The following LSM12 variants were observed in gnomAD, a reference collection of about 807,000 sequenced individuals.
LSM12 encodes the protein protein LSM12.
For missense variants in LSM12, 108 were observed against 238.9 expected, an observed-to-expected ratio of 0.45 and a Z score of 3.61; for synonymous variants, 74 against 87.3, an observed-to-expected ratio of 0.85 and a Z score of 0.85.
At chr17:44,051,996 T>C (rs560542557) in intron 2 of LSM12, among the ~76,000 whole-genome samples, 9 of 152,090 alleles carry the variant, frequency 5.9e-5, no homozygotes, top group African/African-American at 2.2e-4. Context: ...TAATCCCAGC[T>C]ACCTGGGAGG....
At chr17:44,049,235 G>A (rs1039634057) in intron 2 of LSM12, among the ~76,000 whole-genome samples, 1 of 152,062 alleles carries the variant, frequency 6.6e-6, no homozygotes, top group South Asian at 2.1e-4. Flanking sequence ...AAAAAAAACC[G>A]GCTTCTAATC....
intron 2 of LSM12, among the ~76,000 whole-genome samples, chr17:44,042,742 G>GT (rs936332901): frequency 6.6e-6 from 1 of 151,840 alleles, no homozygotes; most frequent in South Asian, 2.1e-4. Context: ...TTTTTTTGTA[G>GT]TTTTTTAGTA....
chr17:44,059,432 T>C (rs1259746229), intron 2 of LSM12, among the ~76,000 whole-genome samples: 1 of 151,778 alleles, frequency 6.6e-6, no homozygotes, highest in East Asian at 1.9e-4. Flanking sequence ...CTACTAAAAA[T>C]AGAAAAATTA....
intron 2 of LSM12, among the ~76,000 whole-genome samples, chr17:44,056,947 T>C (rs1019210251): frequency 3.3e-5 from 5 of 151,718 alleles, no homozygotes; most frequent in African/African-American, 1.2e-4. Context: ...GCTGTAATCG[T>C]GCCATTGCAC....
intron 2 of LSM12, among the ~76,000 whole-genome samples, chr17:44,057,027 G>A (rs909534284): frequency 2.6e-5 from 4 of 151,082 alleles, no homozygotes; most frequent in Non-Finnish European, 3.0e-5. Context: ...GTGGTGGGGC[G>A]CACCTGTACT....
chr17:44,041,352 G>A (rs540236438), intron 2 of LSM12, among the ~76,000 whole-genome samples: 4 of 83,064 alleles, frequency 4.8e-5, no homozygotes, highest in Non-Finnish European at 1.2e-4. Flanking sequence ...CACACACACA[G>A]AATTTCCATT....
At chr17:44,057,728 T>C (rs4793074) in intron 2 of LSM12, among the ~76,000 whole-genome samples, 140,001 of 151,002 alleles carry the variant, frequency 0.93, 65,016 homozygotes, top group East Asian at 1. Flanking sequence ...TACTGCATTA[T>C]AGCCTGGGAG....
At chr17:44,045,158 G>C (rs974665011) in intron 2 of LSM12, among the ~76,000 whole-genome samples, 4 of 152,094 alleles carry the variant, frequency 2.6e-5, no homozygotes, top group Non-Finnish European at 4.4e-5. Flanking sequence ...CTCCCAAGTA[G>C]CTGGGATTAC....
At chr17:44,064,534 A>C (rs1597900049) in intron 1 of LSM12, among the ~76,000 whole-genome samples, 1 of 151,672 alleles carries the variant, frequency 6.6e-6, no homozygotes, top group East Asian at 1.9e-4. Flanking sequence ...GGAGTTCAAG[A>C]CCAGCCTGGC....
chr17:44,051,973 T>C (rs746934399), intron 2 of LSM12, among the ~76,000 whole-genome samples: 11 of 151,952 alleles, frequency 7.2e-5, no homozygotes, highest in Non-Finnish European at 1.5e-4. Flanking sequence ...CTGGGTGTGG[T>C]AGCATGTGCC....
chr17:44,047,312 T>C (rs775095574), intron 2 of LSM12, among the ~76,000 whole-genome samples: 39 of 152,228 alleles, frequency 2.6e-4, no homozygotes, highest in African/African-American at 8.7e-4. Context: ...AGTGGCACCA[T>C]CTCAGCTCAC....
At chr17:44,062,991 C>A (rs967987336) in intron 2 of LSM12, among the ~76,000 whole-genome samples, 1 of 151,988 alleles carries the variant, frequency 6.6e-6, no homozygotes, top group Admixed American at 6.6e-5. Context: ...AATCACTTAA[C>A]CTGGGAGGCG....
chr17:44,054,695 C>T (rs1226921679), intron 2 of LSM12, among the ~76,000 whole-genome samples: 2 of 152,154 alleles, frequency 1.3e-5, no homozygotes, highest in Admixed American at 6.6e-5. Context: ...TGCCACTCAG[C>T]AGTGATGGGA....
rs936324181 is a variant in LSM12 at position 44,064,549 on chromosome 17, G to C, written c.125-615C>G. ...GGAGTTCAAGACCAGCCTGGCCAAA[G>C]TGGCAAAACCCCGTCACTACCAAAA... On this transcript the variant is annotated intron_variant, in intron 1 of 4. Transcript: ENST00000293406. Among the ~76,000 whole-genome samples the C allele has an allele frequency of 2.0e-5, 3 of 151,706 alleles. No homozygotes were observed. In the East Asian group the frequency reaches 5.8e-4, roughly 29 times the overall value.
In LSM12 at chr17:44,040,144, C is replaced by A; in HGVS notation, c.368+3G>T. 6.2e-7 allele frequency: 1 copy of A among 1,611,068 alleles called. No individual in the cohort carries two copies. The highest frequency in any genetic ancestry group is 1.1e-5 in the South Asian group (1 of 90,988). Reference sequence around the variant, plus strand: ...ACAAAGGACCTCTCCGATCCCAACTCACGTCTTGTGAATGGTCTGGAAGAG... The same window carrying A: ...ACAAAGGACCTCTCCGATCCCAACTAACGTCTTGTGAATGGTCTGGAAGAG... On this transcript the variant is annotated splice_donor_region_variant and intron_variant, in intron 3 of 4. Transcript: ENST00000293406.
intron 2 of LSM12, among the ~76,000 whole-genome samples, chr17:44,040,684 TACATTTCCGGCC>T (rs2049476110): frequency 6.6e-6 from 1 of 151,912 alleles, no homozygotes; most frequent in African/African-American, 2.4e-5. Context: ...TAAAAATATA[TACATTTCCGGCC>T]AGGGGAGGTG....
rs1339012655 is a variant in LSM12 at position 44,039,361 on chromosome 17, ATGTC to A, written c.368+782_368+785del. Among the ~76,000 whole-genome samples the A allele has an allele frequency of 1.8e-4, 21 of 114,976 alleles. 1 individual carries two copies. Among genetic ancestry groups the A allele is most frequent in the Non-Finnish European group, 1.8e-5 (1 of 56,328 alleles). The allele number at this position is 114,976 out of a possible 152,430, so 75.4% of individuals were successfully genotyped here. The stretch of plus-strand genomic sequence containing the variant: ...TGAGCCACCGTGCCCGACCAACAAA[ATGTC>A]TTTTTTTTTTTTTTTTTTTTTTTTT... On this transcript the variant is annotated intron_variant, in intron 3 of 4. Transcript: ENST00000293406.
chr17:44,066,358 C>T lies in LSM12; in HGVS notation c.124+106G>A, dbSNP rs2049876974. On this transcript the variant is annotated intron_variant, in intron 1 of 4. Coordinates refer to ENST00000293406, the MANE Select transcript of LSM12 (RefSeq NM_001371445.1). Reference sequence around the variant, plus strand: ...CGCCCCGGGCGCCGCGGTAGCCGGTCGCCCCTAGGCCCGGAGAGAGCCCCA... The same window carrying T: ...CGCCCCGGGCGCCGCGGTAGCCGGTTGCCCCTAGGCCCGGAGAGAGCCCCA... The T allele has an allele frequency of 2.9e-6, 4 of 1,381,048 alleles. No individual in the cohort carries two copies. In the African/African-American group the frequency reaches 6.1e-5, roughly 21 times the overall value. 85.5% of individuals were successfully genotyped at this position (1,381,048 alleles called of 1,614,324 possible).
chr17:44,041,847 A>C (rs2049499109), intron 2 of LSM12, among the ~76,000 whole-genome samples: 1 of 152,234 alleles, frequency 6.6e-6, no homozygotes, highest in Admixed American at 6.5e-5. Flanking sequence ...AATTAAAGGC[A>C]AACAATGCAT....
Sources: allele counts gnomAD v4.1 joint callset (sites outside exome capture counted in the v4.1 genomes callset), GRCh38; gene constraint gnomAD v4.1.1; transcripts MANE v1.5; gene names NCBI Gene and HGNC (gene_info 2026-07-23, HGNC 2026-07-21).